The following NAALADL2 variants were observed in gnomAD, a reference collection of about 807,000 sequenced individuals.
NAALADL2 encodes the protein inactive N-acetylated-alpha-linked acidic dipeptidase-like protein 2.
NAALADL2 carries 76 observed loss-of-function variants against 87.2 expected under a neutral mutation model. The ratio of observed to expected loss-of-function variants is 0.87; its 90% confidence interval spans 0.72 to 1.05. NAALADL2 has a LOEUF of 1.05. Among genes scored for constraint, NAALADL2 ranks in the 50% least tolerant of loss-of-function variants. NAALADL2 has a pLI of 0.00. For missense variants in NAALADL2, 1,089 were observed against 945.8 expected, an observed-to-expected ratio of 1.15 and a Z score of -1.99; for synonymous variants, 354 against 331.0, an observed-to-expected ratio of 1.07 and a Z score of -0.75.
intron 4 of NAALADL2, among the ~76,000 whole-genome samples, chr3:175,268,011 C>T (rs1399713015): frequency 6.6e-6 from 1 of 152,110 alleles, no homozygotes; most frequent in Non-Finnish European, 1.5e-5. Flanking sequence ...AGGAACAGTT[C>T]CTACTTTCAC....
intron 1 of NAALADL2, among the ~76,000 whole-genome samples, chr3:174,449,949 G>C (rs538587376): frequency 6.6e-6 from 1 of 151,386 alleles, no homozygotes; most frequent in Admixed American, 6.6e-5. Context: ...CATCTTCATT[G>C]TATATGTCTT....
intron 5 of NAALADL2, among the ~76,000 whole-genome samples, chr3:175,398,670 C>A (rs1770155558): frequency 6.6e-6 from 1 of 151,866 alleles, no homozygotes; most frequent in South Asian, 2.1e-4. Context: ...AGATTATACC[C>A]CTGGAGGAGA....
rs190121063 is a variant in NAALADL2 at position 174,958,679 on chromosome 3, T to C, written c.43+99229T>C. 5.3e-3 allele frequency among the ~76,000 whole-genome samples: 800 copies of C among 152,132 alleles called. 2 individuals carry two copies. Among genetic ancestry groups the C allele is most frequent in the Non-Finnish European group, 7.9e-3 (539 of 67,932 alleles). The stretch of plus-strand genomic sequence containing the variant: ...GCAAAACTGCCACATTTGCATAACA[T>C]TGGTTTCATTTTTTCTTCTTACATT... On this transcript the variant is annotated intron_variant, in intron 1 of 13. Transcript: ENST00000454872.
chr3:175,510,037 C>T (rs1235507106), intron 9 of NAALADL2, among the ~76,000 whole-genome samples: 1 of 137,236 alleles, frequency 7.3e-6, no homozygotes, highest in Non-Finnish European at 1.5e-5. Context: ...GTGTGATGTT[C>T]CTCTTCCTGT....
At chr3:174,995,342 AT>A (rs1488404567) in intron 1 of NAALADL2, among the ~76,000 whole-genome samples, 1 of 152,160 alleles carries the variant, frequency 6.6e-6, no homozygotes, top group African/African-American at 2.4e-5. Context: ...TCATAAACCC[AT>A]TTATTTGTTT....
At chr3:175,416,295 G>A (rs1189430173) in intron 5 of NAALADL2, among the ~76,000 whole-genome samples, 1 of 152,044 alleles carries the variant, frequency 6.6e-6, no homozygotes, top group Non-Finnish European at 1.5e-5. Flanking sequence ...GTTGTGTTGT[G>A]ATTAAAAGTA....
In NAALADL2 at chr3:175,284,186, G is replaced by GTTTTTT. The variant is rs34562094; in HGVS notation, c.939+27664_939+27669dup. On this transcript the variant is annotated intron_variant, in intron 4 of 13. Transcript: ENST00000454872. ...GGATAATTTTTTTCCTTTACACTGTGTTTTTTTTTTTTTCTGTCTTGCTTT... is the reference window on the plus strand; with the variant it reads ...GGATAATTTTTTTCCTTTACACTGTGTTTTTTTTTTTTTTTTTTTCTGTCTTGCTTT... 8.3e-3 allele frequency among the ~76,000 whole-genome samples: 1,177 copies of GTTTTTT among 142,664 alleles called. 19 individuals are homozygous for GTTTTTT. The highest frequency in any genetic ancestry group is 0.028 in the African/African-American group (1,080 of 38,830). The allele number at this position is 142,664 out of a possible 152,430, so 93.6% of individuals were successfully genotyped here. A position where few individuals can be genotyped will look rare whatever the true frequency, so the allele number is the denominator to read the frequency against.
At chr3:175,133,433 T>G (rs1728543283) in intron 2 of NAALADL2, among the ~76,000 whole-genome samples, 1 of 152,150 alleles carries the variant, frequency 6.6e-6, no homozygotes, top group South Asian at 2.1e-4. Flanking sequence ...CTGGGCACCA[T>G]TGAGCACTGA....
chr3:174,893,313 C>T (rs1009954498), intron 1 of NAALADL2, among the ~76,000 whole-genome samples: 7 of 142,430 alleles, frequency 4.9e-5, no homozygotes, highest in Non-Finnish European at 9.2e-5. Context: ...TACTTCAACC[C>T]CCCCCCGCAA....
intron 1 of NAALADL2, among the ~76,000 whole-genome samples, chr3:174,894,718 C>T (rs1244953392): frequency 6.8e-6 from 1 of 147,838 alleles, no homozygotes; most frequent in African/African-American, 2.5e-5. Flanking sequence ...AACATTTCAT[C>T]CAAGAACTGC....
At chr3:174,441,848 C>G (rs993797548) in intron 1 of NAALADL2, among the ~76,000 whole-genome samples, 3 of 151,590 alleles carry the variant, frequency 2.0e-5, no homozygotes, top group Non-Finnish European at 4.4e-5. Flanking sequence ...ACCTATGGTC[C>G]TTAAGCTGTC....
intron 13 of NAALADL2, among the ~76,000 whole-genome samples, chr3:175,787,438 G>T (rs1048623048): frequency 6.6e-6 from 1 of 152,168 alleles, no homozygotes; most frequent in East Asian, 1.9e-4. Flanking sequence ...AAGCCGGTCC[G>T]AAAAGCACAA....
chr3:175,428,002 T>C (rs895060181), intron 5 of NAALADL2, among the ~76,000 whole-genome samples: 15 of 152,158 alleles, frequency 9.9e-5, no homozygotes, highest in African/African-American at 3.4e-4. Flanking sequence ...CTTCACCTTT[T>C]TTTGAAACCA....
At chr3:175,493,163 A>G (rs77521182) in intron 9 of NAALADL2, among the ~76,000 whole-genome samples, 2,455 of 152,218 alleles carry the variant, frequency 0.016, 45 homozygotes, top group Non-Finnish European at 0.028. Flanking sequence ...CAGTGGGGTC[A>G]TGGAGTTTTT....
In NAALADL2 at chr3:174,705,403, A is replaced by G. The variant is rs539263278; in HGVS notation, c.-114-32238A>G. ...TGAAGAGCATAATTTGTCCTGTGACATATCTCAGTCCATGCATATAACTTA... is the reference window on the plus strand; with the variant it reads ...TGAAGAGCATAATTTGTCCTGTGACGTATCTCAGTCCATGCATATAACTTA... On this transcript the variant is annotated intron_variant, in intron 2 of 3. Transcript: ENST00000434257. Among the ~76,000 whole-genome samples, 82 of 152,352 alleles carry G rather than the reference A, an allele frequency of 5.4e-4. 2 individuals carry two copies. In the South Asian group the frequency reaches 0.016, roughly 30 times the overall value.
intron 3 of NAALADL2, among the ~76,000 whole-genome samples, chr3:174,777,234 G>A (rs1453201320): frequency 6.6e-6 from 1 of 151,980 alleles, no homozygotes; most frequent in African/African-American, 2.4e-5. Context: ...ACATGTGCAT[G>A]TATTTTATAG....
intron 10 of NAALADL2, among the ~76,000 whole-genome samples, chr3:175,615,875 T>TGTATAATATATATGTATATAAAATAC (rs1725280793): frequency 2.7e-5 from 4 of 147,766 alleles, no homozygotes; most frequent in Non-Finnish European, 6.0e-5. Context: ...TATATATATA[T>TGTATAATATATATGTATATAAAATAC]GTATAATATA....
At chr3:175,787,314 CCT>C (rs1560014055) in intron 13 of NAALADL2, among the ~76,000 whole-genome samples, 2 of 151,180 alleles carry the variant, frequency 1.3e-5, no homozygotes, top group Non-Finnish European at 3.0e-5. Flanking sequence ...CCCCAGCCTT[CCT>C]GCTGCCTTGC....
chr3:174,649,109 T>C (rs1724098589), intron 2 of NAALADL2, among the ~76,000 whole-genome samples: 1 of 151,760 alleles, frequency 6.6e-6, no homozygotes, highest in Non-Finnish European at 1.5e-5. Flanking sequence ...GATTACAGGC[T>C]CCTGCCACCG....
Sources: gnomAD v4.1 joint callset for allele counts (sites outside exome capture counted in the v4.1 genomes callset) on GRCh38, gnomAD v4.1.1 for gene constraint, MANE v1.5 for transcripts, NCBI Gene and HGNC (gene_info 2026-07-23, HGNC 2026-07-21) for gene names.